Variants in CAMTA1 observed in about 807,000 individuals in gnomAD.
The protein encoded by CAMTA1 is calmodulin binding transcription activator 1, also known as calmodulin-binding transcription activator 1.
A neutral mutation model predicts 170.9 loss-of-function variants in CAMTA1; 27 were observed. The ratio of observed to expected loss-of-function variants is 0.16; its 90% confidence interval spans 0.12 to 0.22. The LOEUF (loss-of-function observed/expected upper bound fraction) is 0.22, where lower values mean the gene tolerates loss of function less well. Ranked by LOEUF, CAMTA1 falls within the 10% of genes least tolerant of loss-of-function variation. The probability of loss-of-function intolerance (pLI) is 1.00; values close to 1 mark genes in which losing one functional copy is unlikely to be tolerated. For synonymous variants in CAMTA1, 833 were observed against 891.5 expected (o/e 0.93, Z 1.17); for missense variants, 1,619 against 2,217.2 (o/e 0.73, Z 5.42).
chr1:7,677,811 G>A, intron 11 of CAMTA1, 78 bp downstream of exon 11: 3 of 1,512,706 alleles, frequency 2.0e-6, no homozygotes, highest in Admixed American at 3.9e-5. Context: ...AGGTGTGAAA[G>A]AAGAGTAAGC....
chr1:6,851,133 G>A (rs1036624434), intron 3 of CAMTA1, among the ~76,000 whole-genome samples: 6 of 152,140 alleles, frequency 3.9e-5, no homozygotes, highest in Admixed American at 3.9e-4. Flanking sequence ...GAAGTGGATC[G>A]ACAGGGATCC....
chr1:7,324,608 G>A (rs1047957089), intron 5 of CAMTA1, among the ~76,000 whole-genome samples: 27 of 151,550 alleles, frequency 1.8e-4, no homozygotes, highest in African/African-American at 6.6e-4. Context: ...AAATGTCTGT[G>A]CTCATCCTGG....
At chr1:7,321,082 G>A (rs190475965) in intron 5 of CAMTA1, among the ~76,000 whole-genome samples, 1 of 152,326 alleles carries the variant, frequency 6.6e-6, no homozygotes, top group Non-Finnish European at 1.5e-5. Context: ...TACTTGCTGC[G>A]GAATTGCAGG....
chr1:7,160,317 CCT>C (rs1025118612), intron 4 of CAMTA1, among the ~76,000 whole-genome samples: 1 of 152,162 alleles, frequency 6.6e-6, no homozygotes, highest in African/African-American at 2.4e-5. Flanking sequence ...CTTTACTCCC[CCT>C]GTCCCTCCCC....
intron 5 of CAMTA1, among the ~76,000 whole-genome samples, chr1:7,371,855 G>T: frequency 6.6e-6 from 1 of 152,160 alleles, no homozygotes; most frequent in East Asian, 1.9e-4. Flanking sequence ...GACATTTTTG[G>T]TTACCATGAC....
At position 7,333,200 on chromosome 1, in the gene CAMTA1, A is replaced by G. The variant is rs1379546855; in HGVS notation, c.438+83574A>G. Reference sequence around the variant, plus strand: ...ACTTGATGATGTCGCCCTTCTCTGCAGTTTTTGGACAGGGATAGCAAACAT... The same window carrying G: ...ACTTGATGATGTCGCCCTTCTCTGCGGTTTTTGGACAGGGATAGCAAACAT... On this transcript the variant is annotated intron_variant, in intron 5 of 22. Transcript: ENST00000303635. This position sits in a 1 kb window ranked among gnomAD's most constrained non-coding sequence, Gnocchi z 4.4. 6.6e-6 allele frequency among the ~76,000 whole-genome samples: 1 copy of G among 152,110 alleles called. No individual in the cohort carries two copies. Among genetic ancestry groups the G allele is most frequent in the Non-Finnish European group, 1.5e-5 (1 of 68,030 alleles).
At position 7,766,730 on chromosome 1, in the gene CAMTA1, C is replaced by A; in HGVS notation, c.*239C>A. On this transcript the variant is annotated 3_prime_UTR_variant, in exon 23 of 23. Coordinates refer to ENST00000303635, the MANE Select transcript of CAMTA1 (RefSeq NM_015215.4). ...ACTTTTAATTTGATCAGCAAGACAT[C>A]TTGGAACTCAATCTTCTGTTGGATC... is the stretch of plus-strand genomic sequence containing the variant. The A allele has an allele frequency of 3.9e-6, 2 of 510,730 alleles. No homozygotes were observed. The highest frequency in any genetic ancestry group is 3.3e-5 in the Admixed American group (1 of 30,544). 31.6% of individuals were successfully genotyped at this position (510,730 alleles called of 1,614,324 possible).
intron 5 of CAMTA1, among the ~76,000 whole-genome samples, chr1:7,329,521 T>C (rs1450093582): frequency 1.3e-5 from 2 of 152,232 alleles, no homozygotes; most frequent in Non-Finnish European, 2.9e-5. Flanking sequence ...GCTTTGTTTT[T>C]CTGAAAACTC....
intron 3 of CAMTA1, among the ~76,000 whole-genome samples, chr1:6,957,133 G>A (rs1405485850): frequency 2.6e-5 from 4 of 152,200 alleles, no homozygotes; most frequent in Admixed American, 2.0e-4. Flanking sequence ...CTTCAGATGC[G>A]CTCTTTGGGA....
chr1:7,231,327 A>ATGTGTGTGTGTG (rs745744631), intron 4 of CAMTA1, among the ~76,000 whole-genome samples: 15,872 of 141,564 alleles, frequency 0.11, 1,170 homozygotes, highest in East Asian at 0.23. Flanking sequence ...TACTGGCTTA[A>ATGTGTGTGTGTG]TGTGTGTGTG....
intron 3 of CAMTA1, among the ~76,000 whole-genome samples, chr1:6,842,095 T>G (rs1198510783): frequency 6.6e-6 from 1 of 152,234 alleles, no homozygotes; most frequent in Admixed American, 6.5e-5. Context: ...ACTTCTGCTC[T>G]TCTCTCCTCA....
chr1:7,749,426 A>G (rs2096879992), intron 19 of CAMTA1, among the ~76,000 whole-genome samples: 1 of 152,078 alleles, frequency 6.6e-6, no homozygotes, highest in African/African-American at 2.4e-5. Context: ...AGGGAGCCGC[A>G]CTGGCTTCTG....
chr1:7,015,220 C>T (rs768014635), intron 3 of CAMTA1, among the ~76,000 whole-genome samples: 1 of 152,078 alleles, frequency 6.6e-6, no homozygotes, highest in Non-Finnish European at 1.5e-5. Context: ...GTTGTTGGAC[C>T]GAGTGGGATC....
In CAMTA1 at chr1:7,561,149, AGGGGGGCC is replaced by A. The variant is rs1312769117; in HGVS notation, c.511-79248_511-79241del. Among the ~76,000 whole-genome samples the A allele has an allele frequency of 2.0e-5, 3 of 152,082 alleles. No individual in the cohort carries two copies. In the South Asian group the frequency reaches 6.2e-4, roughly 32 times the overall value. ...TCCAGGCATGGCCAGGGGCTGGCCG[AGGGGGGCC>A]GGTGGGTGGTGAATGAAGGGCTCCC... is the stretch of plus-strand genomic sequence containing the variant. On this transcript the variant is annotated intron_variant, in intron 6 of 22. Coordinates refer to ENST00000303635, the MANE Select transcript of CAMTA1 (RefSeq NM_015215.4). This position sits in a 1 kb window ranked among gnomAD's most constrained non-coding sequence, Gnocchi z 5.3.
chr1:7,569,855 C>G (rs1395926412), intron 6 of CAMTA1, among the ~76,000 whole-genome samples: 2 of 152,308 alleles, frequency 1.3e-5, no homozygotes, highest in South Asian at 4.1e-4. Context: ...CAGGTGCAGA[C>G]AGTGTGTCCT....
chr1:6,875,664 CA>C lies in CAMTA1; in HGVS notation c.234+50455del, dbSNP rs1571252241. Among the ~76,000 whole-genome samples, 4 of 152,246 alleles carry C rather than the reference CA, an allele frequency of 2.6e-5. No individual in the cohort carries two copies. The East Asian group carries it at 7.7e-4, about 29-fold the overall frequency. The stretch of plus-strand genomic sequence containing the variant: ...AACAACCGCCCCTCTTCCTGCCCCC[CA>C]TGGAGGGCTCTGTCATACATGTGTC... On this transcript the variant is annotated intron_variant, in intron 3 of 22. Coordinates refer to ENST00000303635, the MANE Select transcript of CAMTA1 (RefSeq NM_015215.4).
intron 1 of CAMTA1, among the ~76,000 whole-genome samples, chr1:6,802,878 GA>G (rs1289657247): frequency 2.0e-5 from 3 of 152,106 alleles, no homozygotes; most frequent in Non-Finnish European, 4.4e-5. Flanking sequence ...GACTTAGCTG[GA>G]AAACACAGGC....
At chr1:7,102,526 C>A (rs1344598194) in intron 4 of CAMTA1, among the ~76,000 whole-genome samples, 1 of 152,270 alleles carries the variant, frequency 6.6e-6, no homozygotes, top group Middle Eastern at 3.4e-3. Flanking sequence ...GAAGTCAGCC[C>A]ACTGTCAGGT....
intron 7 of CAMTA1, among the ~76,000 whole-genome samples, chr1:7,655,514 A>G (rs939866945): frequency 9.0e-6 from 1 of 110,562 alleles, no homozygotes; most frequent in Non-Finnish European, 1.9e-5. Context: ...ACACACACCT[A>G]TGTACACACC....
Sources: allele counts gnomAD v4.1 joint callset (sites outside exome capture counted in the v4.1 genomes callset), GRCh38; gene constraint gnomAD v4.1.1; non-coding constraint Gnocchi (gnomAD v3.1); transcripts MANE v1.5; gene names NCBI Gene and HGNC (gene_info 2026-07-23, HGNC 2026-07-21).